Variants in LHX8 observed in about 807,000 individuals in gnomAD.
The protein encoded by LHX8 is LIM/homeobox protein Lhx8.
LHX8 carries 12 observed loss-of-function variants against 40.3 expected under a neutral mutation model. The observed-to-expected ratio is 0.30, with a 90% CI of 0.19 to 0.48. The LOEUF (loss-of-function observed/expected upper bound fraction) is 0.48. Ranked by LOEUF, LHX8 falls within the 20% of genes least tolerant of loss-of-function variation. The probability of loss-of-function intolerance (pLI) is 0.99; values close to 1 mark genes in which losing one functional copy is unlikely to be tolerated. For missense variants in LHX8, 344 were observed against 433.7 expected (o/e 0.79, Z 1.84); for synonymous variants, 179 against 162.0 (o/e 1.10, Z -0.80).
chr1:75,150,745 C>T (rs897835781), intron 7 of LHX8, among the ~76,000 whole-genome samples: 1 of 148,244 alleles, frequency 6.7e-6, no homozygotes, highest in African/African-American at 2.5e-5. Context: ...GGTGTGATCT[C>T]GGCTCACTGG....
rs1285000562 is a variant in LHX8, at chr1:75,134,739, A to C, written c.-228A>C. 1 of 163,168 alleles carries C rather than the reference A, an allele frequency of 6.1e-6. No individual in the cohort carries two copies. Among genetic ancestry groups the C allele is most frequent in the Non-Finnish European group, 1.3e-5 (1 of 77,738 alleles). 10.1% of individuals were successfully genotyped at this position (163,168 alleles called of 1,614,324 possible). A position where few individuals can be genotyped will look rare whatever the true frequency, so the allele number is the denominator to read the frequency against. On this transcript the variant is annotated 5_prime_UTR_variant, in exon 1 of 9. Coordinates refer to ENST00000356261, the MANE Select transcript of LHX8 (RefSeq NM_001256114.2). The stretch of plus-strand genomic sequence containing the variant: ...CGCCTGGCCAGACCAGCTGAATCGC[A>C]GTGTCCTTGAAACTCGAGTTGTTTG...
At chr1:75,130,606 C>A, upstream of LHX8, 1 of 1,009,902 alleles carries the variant, frequency 9.9e-7, no homozygotes, top group Non-Finnish European at 1.6e-6. Flanking sequence ...TGAATAAAAG[C>A]ACCCCTCTCT....
At chr1:75,133,401 T>C (rs963989675), upstream of LHX8, among the ~76,000 whole-genome samples, 2 of 152,174 alleles carry the variant, frequency 1.3e-5, no homozygotes, top group Non-Finnish European at 2.9e-5. Context: ...TTTTCTTCTA[T>C]ACAAATAAGG....
At chr1:75,190,827 T>A in the LHX8 span, among the ~76,000 whole-genome samples, 1 of 152,166 alleles carries the variant, frequency 6.6e-6, no homozygotes, top group African/African-American at 2.4e-5. Context: ...TTGGGGAAGA[T>A]AATAACCACA....
downstream of LHX8, among the ~76,000 whole-genome samples, chr1:75,163,560 A>T (rs1314548566): frequency 3.3e-5 from 5 of 152,158 alleles, no homozygotes; most frequent in Non-Finnish European, 5.9e-5. Context: ...ACTCTTTTGA[A>T]ACACAACTAA....
At chr1:75,138,599 G>A (rs534592037) in intron 3 of LHX8, among the ~76,000 whole-genome samples, 8 of 152,108 alleles carry the variant, frequency 5.3e-5, no homozygotes, top group African/African-American at 1.7e-4. Context: ...ATCATCTTTT[G>A]GGTTAAAACT....
chr1:75,196,948 T>C, the LHX8 span, among the ~76,000 whole-genome samples: 1 of 152,138 alleles, frequency 6.6e-6, no homozygotes, highest in African/African-American at 2.4e-5. Flanking sequence ...GACTATTTCA[T>C]AATGGCTCAC....
the LHX8 span, among the ~76,000 whole-genome samples, chr1:75,186,156 A>G: frequency 6.6e-6 from 1 of 152,334 alleles, no homozygotes; most frequent in East Asian, 1.9e-4. Context: ...CTATCAGACT[A>G]CCAATGACAT....
chr1:75,192,223 A>G, the LHX8 span, among the ~76,000 whole-genome samples: 1 of 152,236 alleles, frequency 6.6e-6, no homozygotes, highest in African/African-American at 2.4e-5. Context: ...AGCATTTCAC[A>G]TTAGAGTTGG....
At chr1:75,133,575 A>T (rs898503987), upstream of LHX8, among the ~76,000 whole-genome samples, 6 of 152,212 alleles carry the variant, frequency 3.9e-5, no homozygotes, top group Non-Finnish European at 7.3e-5. Flanking sequence ...AAAATCATTT[A>T]AAAATAATCT....
Position 75,136,700 on chromosome 1 carries a change from A to G in LHX8, c.75+11A>G. The G allele has an allele frequency of 6.5e-7, 1 of 1,539,964 alleles. No homozygotes were observed. The highest frequency in any genetic ancestry group is 8.7e-7 in the Non-Finnish European group (1 of 1,145,210). ...GGGGAAGAGGGACTGGTGAGTGCGG[A>G]GGGGCTCGCGTGCTGGCAAGACTGG... is the stretch of plus-strand genomic sequence containing the variant. On this transcript the variant is annotated intron_variant, in intron 2 of 8. Coordinates refer to ENST00000356261, the MANE Select transcript of LHX8 (RefSeq NM_001256114.2).
At position 75,141,473 on chromosome 1, in the gene LHX8, T is replaced by TG. The variant is rs1460735953; in HGVS notation, c.359+372dup. 2.0e-5 allele frequency among the ~76,000 whole-genome samples: 3 copies of TG among 152,218 alleles called. No individual in the cohort carries two copies. In the East Asian group the frequency reaches 5.8e-4, roughly 29 times the overall value. On this transcript the variant is annotated intron_variant, in intron 4 of 8. Transcript: ENST00000356261. The stretch of plus-strand genomic sequence containing the variant: ...ATGGTTAGATGAAATAAAATCATTA[T>TG]GGGGGAGAAAAATCAAGATTTTGTT...
Position 75,156,895 on chromosome 1 carries a change from G to T in LHX8, c.783G>T (p.Val261=), listed in dbSNP as rs79714503. ...CTGTTGCTTTTCTCCCTGCTCAGGT[G>T]TGGTTTCAGAATTGTAGAGCACGCC... is the stretch of plus-strand genomic sequence containing the variant. The part of the protein sequence containing the change: ...RTGLSRRVIQ[V]WFQNCRARHK... The change falls in exon 8 of 9, where the codon GTG becomes GTT. Residue 261 remains valine, a splice_region_variant and synonymous_variant. Coordinates refer to ENST00000356261, the MANE Select transcript of LHX8 (RefSeq NM_001256114.2). The T allele has an allele frequency of 1.1e-3, 1,845 of 1,614,160 alleles. 22 individuals carry two copies. In the African/African-American group the frequency reaches 0.021, roughly 18 times the overall value.
the LHX8 span, among the ~76,000 whole-genome samples, chr1:75,183,692 G>T: frequency 6.6e-6 from 1 of 152,180 alleles, no homozygotes; most frequent in Non-Finnish European, 1.5e-5. Flanking sequence ...GAACAGACCA[G>T]TGACACTATA....
At chr1:75,198,397 G>T in the LHX8 span, among the ~76,000 whole-genome samples, 5 of 152,134 alleles carry the variant, frequency 3.3e-5, no homozygotes, top group Admixed American at 2.6e-4. Context: ...CACTGTTAAT[G>T]ACTAACAGGC....
intron 8 of LHX8, chr1:75,160,046 C>T (rs1648877056): frequency 6.6e-6 from 1 of 152,192 alleles, no homozygotes; most frequent in Admixed American, 6.6e-5. Context: ...AGTCTAACTT[C>T]TGAATGCTCT....
At chr1:75,166,094 G>A (rs1557498859), downstream of LHX8, among the ~76,000 whole-genome samples, 1 of 152,218 alleles carries the variant, frequency 6.6e-6, no homozygotes. Flanking sequence ...CTGAGGCCGG[G>A]CAGTTGGAGG....
intron 7 of LHX8, among the ~76,000 whole-genome samples, chr1:75,153,299 G>T (rs1390512266): frequency 2.0e-5 from 3 of 152,038 alleles, no homozygotes; most frequent in African/African-American, 7.3e-5. Context: ...TAGAGACGGG[G>T]TTTCACCATA....
At chr1:75,197,384 C>G in the LHX8 span, among the ~76,000 whole-genome samples, 1 of 152,112 alleles carries the variant, frequency 6.6e-6, no homozygotes, top group African/African-American at 2.4e-5. Flanking sequence ...TTCCAAAAAT[C>G]TCTACTTTGC....
Sources: allele counts gnomAD v4.1 joint callset (sites outside exome capture counted in the v4.1 genomes callset), GRCh38; gene constraint gnomAD v4.1.1; transcripts MANE v1.5; gene names NCBI Gene and HGNC (gene_info 2026-07-23, HGNC 2026-07-21).